Variants in PI4KA observed in about 807,000 individuals in gnomAD.
PI4KA encodes PI4-kinase alpha.
A neutral mutation model predicts 271.4 loss-of-function variants in PI4KA; 122 were observed. The ratio of observed to expected loss-of-function variants is 0.45; its 90% CI spans 0.39 to 0.52. The LOEUF is 0.52. PI4KA is among the 20% of genes least tolerant of loss of function. The pLI, the probability that PI4KA is intolerant of heterozygous loss-of-function variation, is 0.00. For missense variants in PI4KA, 1,969 were observed against 2,769.1 expected (o/e 0.71, Z 6.48); for synonymous variants, 1,041 against 1,078.8 (o/e 0.96, Z 0.69).
chr22:20,822,101 G>A (rs773709430), intron 4 of PI4KA, among the ~76,000 whole-genome samples: 2 of 152,108 alleles, frequency 1.3e-5, no homozygotes, highest in Non-Finnish European at 2.9e-5. Flanking sequence ...GAACAGTGCA[G>A]GGGTTCAATG....
intron 3 of PI4KA, among the ~76,000 whole-genome samples, chr22:20,829,742 A>AT (rs1196431974): frequency 6.6e-6 from 1 of 151,810 alleles, no homozygotes; most frequent in Non-Finnish European, 1.5e-5. Flanking sequence ...TCTAGTTGTG[A>AT]TGTTAGGTTG....
In PI4KA at chr22:20,764,012, C is replaced by T. The variant is rs146348961; in HGVS notation, c.2708+805G>A. Reference sequence around the variant, plus strand: ...GCTAAAATAGTGTTTTCCAAATAGCCTTTCTCTCAGGAACACTTTCTTTTT... The same window carrying T: ...GCTAAAATAGTGTTTTCCAAATAGCTTTTCTCTCAGGAACACTTTCTTTTT... On this transcript the variant is annotated intron_variant, in intron 22 of 54. Transcript: ENST00000255882. Among the ~76,000 whole-genome samples, 159 of 152,306 alleles carry T rather than the reference C, an allele frequency of 1.0e-3. 1 individual carries two copies. Among genetic ancestry groups the T allele is most frequent in the African/African-American group, 3.6e-3 (150 of 41,570 alleles).
intron 32 of PI4KA, among the ~76,000 whole-genome samples, chr22:20,739,791 G>C (rs1040489686): frequency 6.6e-6 from 1 of 152,110 alleles, no homozygotes; most frequent in Admixed American, 6.5e-5. Flanking sequence ...GGCTGGGCGT[G>C]GTGGCTCATG....
chr22:20,751,555 CATTA>C lies in PI4KA; in HGVS notation c.3069+115_3069+118del, dbSNP rs878990295. 26 of 1,005,956 alleles carry C rather than the reference CATTA, an allele frequency of 2.6e-5. No homozygotes were observed. In the South Asian group the frequency reaches 3.1e-4, roughly 12 times the overall value. 62.3% of individuals were successfully genotyped at this position (1,005,956 alleles called of 1,614,324 possible). ...CTCACCCCCAACTCGACACCTGTAGCATTAATTATGTTCAGGCTTATTGTCAGAG... is the reference window on the plus strand; with the variant it reads ...CTCACCCCCAACTCGACACCTGTAGCATTATGTTCAGGCTTATTGTCAGAG... On this transcript the variant is annotated intron_variant, in intron 26 of 54. Transcript: ENST00000255882.
At position 20,773,514 on chromosome 22, in the gene PI4KA, A is replaced by C. The variant is rs369543685; in HGVS notation, c.2329-7821T>G. ...TCAGTAATAGTCCTATCTGTCCCAC[A>C]ACAGACAGGAGTGCTGGGCTGCACC... On this transcript the variant is annotated intron_variant, in intron 19 of 54. Coordinates refer to ENST00000255882, the MANE Select transcript of PI4KA (RefSeq NM_058004.4). 1.1e-4 allele frequency among the ~76,000 whole-genome samples: 16 copies of C among 152,366 alleles called. No homozygotes were observed. The South Asian group carries it at 2.9e-3, about 28-fold the overall frequency.
At chr22:20,787,180 G>A (rs1308834207) in intron 19 of PI4KA, 1 of 966,820 alleles carries the variant, frequency 1.0e-6, no homozygotes, top group Non-Finnish European at 1.6e-6. Context: ...CTACCAATCT[G>A]AATTCGAGGC....
Position 20,776,504 on chromosome 22 carries a change from G to A in PI4KA, c.2329-10811C>T, listed in dbSNP as rs1401534830. Among the ~76,000 whole-genome samples, 4 of 152,292 alleles carry A rather than the reference G, an allele frequency of 2.6e-5. No individual in the cohort carries two copies. The East Asian group carries it at 7.7e-4, about 29-fold the overall frequency. Reference sequence around the variant, plus strand: ...TGCAATTCAAAAGTCTTTCTTAGTTGTGACTAAAACAAACTTTGAACTTAC... The same window carrying A: ...TGCAATTCAAAAGTCTTTCTTAGTTATGACTAAAACAAACTTTGAACTTAC... On this transcript the variant is annotated intron_variant, in intron 19 of 54. Coordinates refer to ENST00000255882, the MANE Select transcript of PI4KA (RefSeq NM_058004.4).
chr22:20,775,104 C>T (rs901349832), intron 19 of PI4KA, among the ~76,000 whole-genome samples: 2 of 151,926 alleles, frequency 1.3e-5, no homozygotes, highest in East Asian at 1.9e-4. Flanking sequence ...GGAGGGATGA[C>T]GGTTTATCAA....
chr22:20,815,210 G>A (rs531020580), intron 7 of PI4KA, among the ~76,000 whole-genome samples: 55 of 151,552 alleles, frequency 3.6e-4, no homozygotes, highest in African/African-American at 1.3e-3. Flanking sequence ...GTGAAACGCT[G>A]TCCCTACTAA....
chr22:20,796,582 T>C (rs528968857), intron 17 of PI4KA, among the ~76,000 whole-genome samples: 1 of 152,358 alleles, frequency 6.6e-6, no homozygotes, highest in South Asian at 2.1e-4. Context: ...GACTAAGTTC[T>C]AGGCATCTGC....
intron 19 of PI4KA, among the ~76,000 whole-genome samples, chr22:20,782,183 C>T (rs1016783036): frequency 6.6e-6 from 1 of 152,188 alleles, no homozygotes; most frequent in Non-Finnish European, 1.5e-5. Flanking sequence ...AGAGCCTCTG[C>T]ATTAGCCCTG....
At chr22:20,776,931 A>T (rs765982065) in intron 19 of PI4KA, among the ~76,000 whole-genome samples, 36 of 152,222 alleles carry the variant, frequency 2.4e-4, no homozygotes, top group Non-Finnish European at 4.1e-4. Flanking sequence ...AAGAGCAGCC[A>T]GTAACTCTTA....
chr22:20,797,655 C>G (rs1379015866), intron 17 of PI4KA, among the ~76,000 whole-genome samples: 2 of 152,186 alleles, frequency 1.3e-5, no homozygotes, highest in African/African-American at 4.8e-5. Context: ...TATGCAATCT[C>G]ATTCCCAACT....
intron 22 of PI4KA, among the ~76,000 whole-genome samples, chr22:20,763,290 T>G (rs1401523568): frequency 6.6e-6 from 1 of 151,834 alleles, no homozygotes; most frequent in Non-Finnish European, 1.5e-5. Flanking sequence ...TTTTATATTT[T>G]TAGTAGAGAC....
intron 47 of PI4KA, 93 bp from the exon 48 acceptor site, chr22:20,713,483 A>T: frequency 1.1e-6 from 1 of 950,940 alleles, no homozygotes; most frequent in Non-Finnish European, 1.6e-6. Flanking sequence ...GCCTGAAAGG[A>T]ACCCCAGCAA....
In PI4KA at chr22:20,733,720, C is replaced by T. The variant is rs751952328; in HGVS notation, c.4160+16G>A. ...CGCCGTCCCTGGACGCTGCACAGCA[C>T]ATCTTGGGGGAGTACCTGAAGTAGT... On this transcript the variant is annotated intron_variant, in intron 35 of 54. Coordinates refer to ENST00000255882, the MANE Select transcript of PI4KA (RefSeq NM_058004.4). 29 of 1,613,760 alleles carry T rather than the reference C, an allele frequency of 1.8e-5. No individual in the cohort carries two copies. The Admixed American group carries it at 4.8e-4, about 27-fold the overall frequency.
chr22:20,796,353 C>T, intron 17 of PI4KA, 39 bp from the exon 18 acceptor site: 1 of 1,588,540 alleles, frequency 6.3e-7, no homozygotes, highest in Non-Finnish European at 8.6e-7. Flanking sequence ...ACTGCCAGGC[C>T]CTCAACCGTC....
At position 20,785,898 on chromosome 22, in the gene PI4KA, T is replaced by A. The variant is rs1288431536; in HGVS notation, c.2328+7295A>T. Reference sequence around the variant, plus strand: ...AATATAAATTTTAATAAGTGCTATATCAATTCTGTGATAAATATAACCCGT... The same window carrying A: ...AATATAAATTTTAATAAGTGCTATAACAATTCTGTGATAAATATAACCCGT... On this transcript the variant is annotated intron_variant, in intron 19 of 54. Coordinates refer to ENST00000255882, the MANE Select transcript of PI4KA (RefSeq NM_058004.4). 1.6e-5 allele frequency: 23 copies of A among 1,476,890 alleles called. No homozygotes were observed. In the Admixed American group the frequency reaches 3.2e-4, roughly 20 times the overall value. 91.5% of individuals were successfully genotyped at this position (1,476,890 alleles called of 1,614,324 possible).
intron 42 of PI4KA, chr22:20,725,653 T>TG (rs1210068908): frequency 2.7e-6 from 1 of 375,956 alleles, no homozygotes; most frequent in East Asian, 7.9e-5. Context: ...CCAGCACTTT[T>TG]GGAGGCGGAG....
Sources: gnomAD v4.1 joint callset for allele counts (sites outside exome capture counted in the v4.1 genomes callset) on GRCh38, gnomAD v4.1.1 for gene constraint, MANE v1.5 for transcripts, NCBI Gene and HGNC (gene_info 2026-07-23, HGNC 2026-07-21) for gene names.